Variants in IRAK4 observed in about 807,000 individuals in gnomAD.
IRAK4 encodes the protein interleukin-1 receptor-associated kinase 4.
IRAK4 carries 44 observed loss-of-function variants against 51.8 expected under a neutral mutation model. The ratio of observed to expected loss-of-function variants is 0.85; its 90% CI spans 0.67 to 1.09. The LOEUF (loss-of-function observed/expected upper bound fraction) is 1.09, where lower values mean the gene tolerates loss of function less well. Among genes scored for constraint, IRAK4 ranks in the 50% least tolerant of loss-of-function variants. The pLI is 0.00. For missense variants in IRAK4, 487 were observed against 538.0 expected, an observed-to-expected ratio of 0.91 and a Z score of 0.94; for synonymous variants, 149 against 174.1, an observed-to-expected ratio of 0.86 and a Z score of 1.13.
At chr12:43,783,610 T>C in intron 9 of IRAK4, 52 bp from the exon 10 acceptor site, 1 of 1,178,274 alleles carries the variant, frequency 8.5e-7, no homozygotes, top group Non-Finnish European at 1.3e-6. Context: ...CGTTAGCCAC[T>C]GTGCCCAGCC....
chr12:43,771,929 A>C (rs926251108), intron 3 of IRAK4, among the ~76,000 whole-genome samples: 4 of 152,186 alleles, frequency 2.6e-5, no homozygotes, highest in African/African-American at 9.7e-5. Flanking sequence ...CTATATTCTT[A>C]AACAGGTGCT....
intron 1 of IRAK4, 103 bp from the exon 2 acceptor site, chr12:43,768,000 G>C (rs750069816): frequency 2.5e-6 from 2 of 789,706 alleles, no homozygotes; most frequent in Admixed American, 2.1e-5. Context: ...GGTATAATCA[G>C]TTGCTGACAT....
At position 43,771,344 on chromosome 12, in the gene IRAK4, C is replaced by A; in HGVS notation, c.286C>A (p.Pro96Thr). Residue 96 changes from proline to threonine, a missense_variant, in exon 3 of 12, where the codon CCT becomes ACT. Pro to Thr is a conservative substitution (Grantham distance 38). Transcript: ENST00000613694. Reference protein sequence around the residue: ...DLLIQNEFFAPASLLLPDAVP... With the variant: ...DLLIQNEFFATASLLLPDAVP... ...TTTGATCCAAAATGAATTTTTTGCT[C>A]CTGCGAGTCTTTTGCTCCCAGGTAA... 1 of 1,614,124 alleles carries A rather than the reference C, an allele frequency of 6.2e-7. No homozygotes were observed. Among genetic ancestry groups the A allele is most frequent in the Non-Finnish European group, 8.5e-7 (1 of 1,180,002 alleles).
intron 2 of IRAK4, 23 bp from the exon 3 acceptor site, chr12:43,771,196 GT>G: frequency 6.2e-7 from 1 of 1,600,748 alleles, no homozygotes; most frequent in Non-Finnish European, 8.6e-7. Flanking sequence ...GACTAATTTT[GT>G]TTCTTTGTTA....
chr12:43,782,866 G>A (rs1941899071), intron 9 of IRAK4, among the ~76,000 whole-genome samples: 1 of 152,196 alleles, frequency 6.6e-6, no homozygotes, highest in African/African-American at 2.4e-5. Flanking sequence ...GTGGGTGGTT[G>A]AAGAAGCCGG....
At chr12:43,779,707 G>T (rs1297743100) in intron 8 of IRAK4, among the ~76,000 whole-genome samples, 1 of 152,086 alleles carries the variant, frequency 6.6e-6, no homozygotes, top group South Asian at 2.1e-4. Flanking sequence ...TATGTAGAAA[G>T]GACTGAAAAA....
intron 6 of IRAK4, among the ~76,000 whole-genome samples, chr12:43,777,343 T>TAC (rs1049716991): frequency 2.0e-5 from 3 of 152,136 alleles, no homozygotes; most frequent in Non-Finnish European, 4.4e-5. Context: ...GAGCTATGAT[T>TAC]ACACCACTGC....
intron 10 of IRAK4, among the ~76,000 whole-genome samples, chr12:43,784,391 G>A (rs1942039329): frequency 1.3e-5 from 2 of 152,120 alleles, no homozygotes; most frequent in South Asian, 4.1e-4. Flanking sequence ...CATAGCATCA[G>A]AGTCAGATCC....
chr12:43,785,278 C>G (rs933107115), intron 10 of IRAK4, among the ~76,000 whole-genome samples: 1 of 152,094 alleles, frequency 6.6e-6, no homozygotes, highest in Non-Finnish European at 1.5e-5. Flanking sequence ...ATGATTCACC[C>G]AACTCCACGA....
chr12:43,777,143 T>C (rs186127096), intron 6 of IRAK4, among the ~76,000 whole-genome samples: 98 of 152,308 alleles, frequency 6.4e-4, no homozygotes, highest in African/African-American at 2.1e-3. Context: ...GTAATCCCAA[T>C]ACTTTGGGAG....
intron 10 of IRAK4, 118 bp from the exon 11 acceptor site, chr12:43,786,281 A>G (rs1299502490): frequency 4.8e-6 from 3 of 624,854 alleles, no homozygotes; most frequent in East Asian, 8.1e-5. Flanking sequence ...TTAAGATAAG[A>G]TAGTAAAATG....
At chr12:43,786,296 C>T (rs1375374497) in intron 10 of IRAK4, 103 bp from the exon 11 acceptor site, 3 of 716,248 alleles carry the variant, frequency 4.2e-6, no homozygotes, top group Non-Finnish European at 6.0e-6. Context: ...AAAATGAGAG[C>T]ACATGTTATT....
intron 10 of IRAK4, 26 bp from the exon 11 acceptor site, chr12:43,786,373 T>C (rs761874527): frequency 1.4e-6 from 2 of 1,448,292 alleles, no homozygotes; most frequent in South Asian, 2.6e-5. Flanking sequence ...TTTGAAGCTC[T>C]TAAAGTTTTA....
chr12:43,764,938 GC>G (rs1386233396), intron 1 of IRAK4, among the ~76,000 whole-genome samples: 5 of 152,136 alleles, frequency 3.3e-5, no homozygotes, highest in Non-Finnish European at 7.4e-5. Context: ...CCAAAAACCT[GC>G]AGCCATGCCC....
chr12:43,786,371 T>C, intron 10 of IRAK4, 28 bp from the exon 11 acceptor site: 1 of 1,419,148 alleles, frequency 7.0e-7, no homozygotes, highest in Non-Finnish European at 9.7e-7. Context: ...GATTTGAAGC[T>C]CTTAAAGTTT....
chr12:43,767,799 G>T (rs1940322866), intron 1 of IRAK4, among the ~76,000 whole-genome samples: 1 of 151,970 alleles, frequency 6.6e-6, no homozygotes, highest in East Asian at 1.9e-4. Flanking sequence ...GAATTTTTCT[G>T]GTAAGTTTTT....
intron 6 of IRAK4, among the ~76,000 whole-genome samples, chr12:43,776,496 G>T (rs1248619003): frequency 1.3e-5 from 2 of 152,186 alleles, no homozygotes; most frequent in Admixed American, 6.5e-5. Flanking sequence ...TAGAATTGTG[G>T]ATCATTTTGA....
intron 10 of IRAK4, among the ~76,000 whole-genome samples, chr12:43,784,529 G>A (rs1056749165): frequency 2.0e-5 from 3 of 152,176 alleles, no homozygotes; most frequent in African/African-American, 7.2e-5. Flanking sequence ...TGGGTATGGA[G>A]GGCTCAAGAT....
chr12:43,777,446 A>G (rs1434190298), intron 6 of IRAK4, among the ~76,000 whole-genome samples, 184 bp from the exon 7 acceptor site: 1 of 152,228 alleles, frequency 6.6e-6, no homozygotes, highest in Admixed American at 6.5e-5. Flanking sequence ...TGAAAAGAGA[A>G]GTATTTGCAG....
Sources: gnomAD v4.1 joint callset for allele counts (sites outside exome capture counted in the v4.1 genomes callset) on GRCh38, gnomAD v4.1.1 for gene constraint, MANE v1.5 for transcripts, NCBI Gene and HGNC (gene_info 2026-07-23, HGNC 2026-07-21) for gene names.